TENT5B: variants seen among roughly 807,000 people sequenced by gnomAD.
TENT5B encodes terminal nucleotidyltransferase 5B, also known as family with sequence similarity 46 member B.
A neutral mutation model predicts 21.7 loss-of-function variants in TENT5B; 12 were observed. The ratio of observed to expected loss-of-function variants is 0.55; its 90% confidence interval spans 0.36 to 0.90. The LOEUF is 0.90. TENT5B is among the 40% of genes least tolerant of loss of function. The pLI, the probability that TENT5B is intolerant of heterozygous loss-of-function variation, is 0.01. For synonymous variants in TENT5B, 262 were observed against 266.6 expected (o/e 0.98, Z 0.17); for missense variants, 540 against 601.5 (o/e 0.90, Z 1.07).
In TENT5B at chr1:27,012,821, G is replaced by A. The variant is rs921332414; in HGVS notation, c.-151C>T. Reference sequence around the variant, plus strand: ...CGAGACAAAGCCAGGGAACACCTCAGACGGCGACGACTAACCGACCCTAGC... The same window carrying A: ...CGAGACAAAGCCAGGGAACACCTCAAACGGCGACGACTAACCGACCCTAGC... On this transcript the variant is annotated 5_prime_UTR_variant, in exon 1 of 2. Coordinates refer to ENST00000289166, the MANE Select transcript of TENT5B (RefSeq NM_052943.4). 1.2e-5 allele frequency: 12 copies of A among 1,030,434 alleles called. No individual in the cohort carries two copies. Among genetic ancestry groups the A allele is most frequent in the African/African-American group, 8.6e-5 (5 of 58,466 alleles). The allele number at this position is 1,030,434 out of a possible 1,614,324, so 63.8% of individuals were successfully genotyped here.
chr1:27,012,474 T>C lies in TENT5B; in HGVS notation c.197A>G (p.Glu66Gly). The stretch of plus-strand genomic sequence containing the variant: ...GCCGCGCCCGTGAATGGGAATCGGC[T>C]CGCTCAGAAGAGCGTCCAGTCGCTT... ...QVKRLDALLS[E>G]PIPIHGRGNF... The change falls in exon 1 of 2, where the codon GAG becomes GGG. Residue 66 changes from glutamate to glycine, a missense_variant. Physicochemically the swap from Glu to Gly is moderately conservative, Grantham distance 98 (BLOSUM62 -2). Coordinates refer to ENST00000289166, the MANE Select transcript of TENT5B (RefSeq NM_052943.4). The C allele has an allele frequency of 6.2e-7, 1 of 1,611,404 alleles. No homozygotes were observed. The highest frequency in any genetic ancestry group is 8.5e-7 in the Non-Finnish European group (1 of 1,179,646).
At position 27,012,557 on chromosome 1, in the gene TENT5B, C is replaced by T. The variant is rs747718885; in HGVS notation, c.114G>A (p.Pro38=). Residue 38 remains proline (P), a synonymous_variant, in exon 1 of 2, where the codon CCG becomes CCA. Transcript: ENST00000289166. ...GTCCGGGGAAGGCCGATAAGGCCTC[C>T]GGGTCGGGGCCGCCGCCTGCCGGGG... is the stretch of plus-strand genomic sequence containing the variant. ...TAAPAGGGPD[P]EALSAFPGRH... The T allele has an allele frequency of 6.3e-7, 1 of 1,576,772 alleles. No individual in the cohort carries two copies. Among genetic ancestry groups the T allele is most frequent in the African/African-American group, 1.3e-5 (1 of 74,426 alleles).
In TENT5B at chr1:27,006,816, T is replaced by C; in HGVS notation, c.406A>G (p.Ser136Gly). ...TTGGTCAGCTGGAAGGATGCCTCAC[T>C]GCGCAGGTCCACCCGGAACACCAGG... is the stretch of plus-strand genomic sequence containing the variant. ...LDLVFRVDLR[S>G]EASFQLTKAV... The change falls in exon 2 of 2, where the codon AGT becomes GGT. Residue 136 changes from serine (S) to glycine (G), a missense_variant. Ser to Gly is a moderately conservative substitution (Grantham distance 56). Coordinates refer to ENST00000289166, the MANE Select transcript of TENT5B (RefSeq NM_052943.4). The surrounding 1 kb of genome is among the most constrained non-coding windows in gnomAD (Gnocchi z 9.4). 4 of 1,614,056 alleles carry C rather than the reference T, an allele frequency of 2.5e-6. No individual in the cohort carries two copies. Among genetic ancestry groups the C allele is most frequent in the Non-Finnish European group, 3.4e-6 (4 of 1,180,028 alleles).
At chr1:27,008,135 C>T (rs1052027856) in intron 1 of TENT5B, among the ~76,000 whole-genome samples, 1 of 152,134 alleles carries the variant, frequency 6.6e-6, no homozygotes, top group Non-Finnish European at 1.5e-5. Context: ...GACAGATAAA[C>T]CTATAAGTGG....
chr1:27,011,011 C>G (rs898334587), intron 1 of TENT5B, among the ~76,000 whole-genome samples: 4 of 152,300 alleles, frequency 2.6e-5, no homozygotes, highest in Non-Finnish European at 4.4e-5. Flanking sequence ...CCACACTGGG[C>G]TCCACCTTCC....
chr1:27,006,168 C>T lies in TENT5B; in HGVS notation c.1054G>A (p.Glu352Lys). Residue 352 changes from glutamate to lysine, a missense_variant, in exon 2 of 2, where the codon GAG (glutamate) becomes AAG (lysine). Transcript: ENST00000289166. This position sits in a 1 kb window ranked among gnomAD's most constrained non-coding sequence, Gnocchi z 9.4. ...CLVTLHRVVN[E>K]STVCLMNHER... ...TGGTTCATGAGGCACACGGTGCTCT[C>T]GTTGACCACCCGGTGCAGTGTCACC... 6.2e-7 allele frequency: 1 copy of T among 1,611,014 alleles called. No homozygotes were observed. The highest frequency in any genetic ancestry group is 8.5e-7 in the Non-Finnish European group (1 of 1,178,848).
chr1:27,012,638 C>G lies in TENT5B; in HGVS notation c.33G>C (p.Arg11Ser), dbSNP rs1256455504. MMPSESGAER[R>S]DRAAAQVGTA... ...TCCCCACCTGAGCAGCCGCCCGGTC[C>G]CTGCGCTCAGCTCCGCTCTCCGACG... Residue 11 changes from arginine (R) to serine (S), a missense_variant, in exon 1 of 2, where the codon AGG becomes AGC. Physicochemically the swap from Arg to Ser is moderately radical, Grantham distance 110. Transcript: ENST00000289166. 5 of 1,506,246 alleles carry G rather than the reference C, an allele frequency of 3.3e-6. No homozygotes were observed. The highest frequency in any genetic ancestry group is 4.4e-6 in the Non-Finnish European group (5 of 1,137,252). 93.3% of individuals were successfully genotyped at this position (1,506,246 alleles called of 1,614,324 possible). A position where few individuals can be genotyped will look rare whatever the true frequency, so the allele number is the denominator to read the frequency against.
Position 27,012,799 on chromosome 1 carries a change from G to T in TENT5B, c.-129C>A. 1 of 1,207,716 alleles carries T rather than the reference G, an allele frequency of 8.3e-7. No individual in the cohort carries two copies. The highest frequency in any genetic ancestry group is 1.1e-6 in the Non-Finnish European group (1 of 922,462). 74.8% of individuals were successfully genotyped at this position (1,207,716 alleles called of 1,614,324 possible). ...AGGGACGGGGCGGCAACGACGGCGA[G>T]ACAAAGCCAGGGAACACCTCAGACG... On this transcript the variant is annotated 5_prime_UTR_variant, in exon 1 of 2. Transcript: ENST00000289166.
rs548896131 is a variant in TENT5B at position 27,007,051 on chromosome 1, A to G, written c.265-94T>C. 181 of 926,684 alleles carry G rather than the reference A, an allele frequency of 2.0e-4. 1 individual carries two copies. The African/African-American group carries it at 3.2e-3, about 17-fold the overall frequency. The allele number at this position is 926,684 out of a possible 1,614,324, so 57.4% of individuals were successfully genotyped here. On this transcript the variant is annotated intron_variant, in intron 1 of 1. Transcript: ENST00000289166. ...ACTTATCACGGTAACTTCAACCACTATTGGCCCCTAACCAGCTGTTATGCC... is the reference window on the plus strand; with the variant it reads ...ACTTATCACGGTAACTTCAACCACTGTTGGCCCCTAACCAGCTGTTATGCC...
In TENT5B at chr1:27,006,632, CCG is replaced by C; in HGVS notation, c.588_589del (p.Ser196ArgfsTer17). The stretch of plus-strand genomic sequence containing the variant: ...CACAAACTTGAGCTCCACGTTCTTG[CCG>C]CTCTTGTTGGACAGTGAGATGAGGC... On this transcript the variant is annotated frameshift_variant, in exon 2 of 2. Coordinates refer to ENST00000289166, the MANE Select transcript of TENT5B (RefSeq NM_052943.4). LOFTEE classifies it high-confidence loss of function. This position sits in a 1 kb window ranked among gnomAD's most constrained non-coding sequence, Gnocchi z 9.4. 6.2e-7 allele frequency: 1 copy of C among 1,614,188 alleles called. No homozygotes were observed. Among genetic ancestry groups the C allele is most frequent in the Non-Finnish European group, 8.5e-7 (1 of 1,180,040 alleles).
At chr1:27,007,545 C>T (rs2082606678) in intron 1 of TENT5B, among the ~76,000 whole-genome samples, 1 of 150,724 alleles carries the variant, frequency 6.6e-6, no homozygotes, top group African/African-American at 2.5e-5. Context: ...GGGCCTGCCA[C>T]TGTGCCCGGC....
intron 1 of TENT5B, among the ~76,000 whole-genome samples, chr1:27,008,625 T>G (rs1243207508): frequency 6.6e-6 from 1 of 151,974 alleles, no homozygotes; most frequent in Non-Finnish European, 1.5e-5. Flanking sequence ...TTTTTTTTTT[T>G]GAGTCTGAGT....
In TENT5B at chr1:27,006,760, G is replaced by T. The variant is rs367886015; in HGVS notation, c.462C>A (p.Phe154Leu). Residue 154 changes from phenylalanine to leucine, a missense_variant, in exon 2 of 2, where the codon TTC becomes TTA. Coordinates refer to ENST00000289166, the MANE Select transcript of TENT5B (RefSeq NM_052943.4). The surrounding 1 kb of genome is among the most constrained non-coding windows in gnomAD (Gnocchi z 9.4). Reference sequence around the variant, plus strand: ...TGGCCCGGCTCACACCGGCCGGCAGGAAGTCTAGTAGGCAGGCCAGCACCA... The same window carrying T: ...TGGCCCGGCTCACACCGGCCGGCAGTAAGTCTAGTAGGCAGGCCAGCACCA... ...KAVVLACLLD[F>L]LPAGVSRAKI... 5 of 1,613,968 alleles carry T rather than the reference G, an allele frequency of 3.1e-6. No individual in the cohort carries two copies. Among genetic ancestry groups the T allele is most frequent in the South Asian group, 1.1e-5 (1 of 91,094 alleles).
Position 27,012,807 on chromosome 1 carries a change from C to A in TENT5B, c.-137G>T. The stretch of plus-strand genomic sequence containing the variant: ...GGCGGCAACGACGGCGAGACAAAGC[C>A]AGGGAACACCTCAGACGGCGACGAC... On this transcript the variant is annotated 5_prime_UTR_variant, in exon 1 of 2. Transcript: ENST00000289166. 1.7e-6 allele frequency: 2 copies of A among 1,149,036 alleles called. No homozygotes were observed. Among genetic ancestry groups the A allele is most frequent in the Non-Finnish European group, 2.3e-6 (2 of 869,290 alleles). The allele number at this position is 1,149,036 out of a possible 1,614,324, so 71.2% of individuals were successfully genotyped here. A position where few individuals can be genotyped will look rare whatever the true frequency, so the allele number is the denominator to read the frequency against.
In TENT5B at chr1:27,006,394, A is replaced by G; in HGVS notation, c.828T>C (p.Gly276=). The change falls in exon 2 of 2, where the codon GGT becomes GGC. Residue 276 remains glycine (G), a synonymous_variant. Coordinates refer to ENST00000289166, the MANE Select transcript of TENT5B (RefSeq NM_052943.4). The surrounding 1 kb of genome is among the most constrained non-coding windows in gnomAD (Gnocchi z 9.4). ...IATRSPEEIR[G]GGLLKYCHLL... Reference sequence around the variant, plus strand: ...GGTGGCAGTACTTGAGGAGGCCACCACCTCGGATCTCCTCGGGACTGCGCG... The same window carrying G: ...GGTGGCAGTACTTGAGGAGGCCACCGCCTCGGATCTCCTCGGGACTGCGCG... 1.2e-6 allele frequency: 2 copies of G among 1,612,894 alleles called. No homozygotes were observed. Among genetic ancestry groups the G allele is most frequent in the South Asian group, 2.2e-5 (2 of 91,050 alleles).
At chr1:27,007,860 G>A (rs1479487392) in intron 1 of TENT5B, among the ~76,000 whole-genome samples, 2 of 152,126 alleles carry the variant, frequency 1.3e-5, no homozygotes, top group Non-Finnish European at 2.9e-5. Flanking sequence ...ATAGATGGAG[G>A]ACCTCAGGTG....
In TENT5B at chr1:27,006,308, A is replaced by G. The variant is rs1447356689; in HGVS notation, c.914T>C (p.Met305Thr). 6.2e-7 allele frequency: 1 copy of G among 1,611,396 alleles called. No individual in the cohort carries two copies. Among genetic ancestry groups the G allele is most frequent in the East Asian group, 2.2e-5 (1 of 44,820 alleles). The change falls in exon 2 of 2, where the codon ATG becomes ACG. Residue 305 changes from methionine (M) to threonine (T), a missense_variant. Coordinates refer to ENST00000289166, the MANE Select transcript of TENT5B (RefSeq NM_052943.4). The surrounding 1 kb of genome is among the most constrained non-coding windows in gnomAD (Gnocchi z 9.4). ...AAAGTCGATGAAGAAGCGGGAGCACATGTAGCGCTGCAGGGCGCGCACATC... is the reference window on the plus strand; with the variant it reads ...AAAGTCGATGAAGAAGCGGGAGCACGTGTAGCGCTGCAGGGCGCGCACATC... ...STDVRALQRY[M>T]CSRFFIDFPD...
rs370980393 is a variant in TENT5B at position 27,012,565 on chromosome 1, G to A, written c.106C>T (p.Pro36Ser). The change falls in exon 1 of 2, where the codon CCC becomes TCC. Residue 36 changes from proline (P) to serine (S), a missense_variant. By Grantham distance (74) the Pro-to-Ser change is moderately conservative. Transcript: ENST00000289166. ...AAGGCCGATAAGGCCTCCGGGTCGGGGCCGCCGCCTGCCGGGGCTGCCGTG... is the reference window on the plus strand; with the variant it reads ...AAGGCCGATAAGGCCTCCGGGTCGGAGCCGCCGCCTGCCGGGGCTGCCGTG... ...VATAAPAGGG[P>S]DPEALSAFPG... 207 of 1,564,378 alleles carry A rather than the reference G, an allele frequency of 1.3e-4. No individual in the cohort carries two copies. The African/African-American group carries it at 2.4e-3, about 18-fold the overall frequency.
At chr1:27,007,011 C>G in intron 1 of TENT5B, 54 bp from the exon 2 acceptor site, 2 of 1,492,868 alleles carry the variant, frequency 1.3e-6, no homozygotes, top group East Asian at 2.3e-5. Context: ...AGGGGTCCAC[C>G]AAGGACTTCC....
Sources: gnomAD v4.1 joint callset for allele counts (sites outside exome capture counted in the v4.1 genomes callset) on GRCh38, gnomAD v4.1.1 for gene constraint, Gnocchi (gnomAD v3.1) non-coding constraint, MANE v1.5 for transcripts, NCBI Gene and HGNC (gene_info 2026-07-23, HGNC 2026-07-21) for gene names.